NKAP: variants seen among roughly 807,000 people sequenced by gnomAD.
NKAP encodes the protein NFKB activating protein, also known as NF-kappa-B-activating protein.
Under a neutral mutation model 35.6 loss-of-function variants are expected in NKAP, and 4 were observed. The ratio of observed to expected loss-of-function variants is 0.11; its 90% CI spans 0.06 to 0.26. The LOEUF is 0.26. NKAP is among the 10% of genes least tolerant of loss of function. The pLI is 1.00. For missense variants in NKAP, 238 were observed against 321.9 expected (o/e 0.74, Z 1.99); for synonymous variants, 106 against 119.2 (o/e 0.89, Z 0.72).
intron 2 of NKAP, chrX:119,937,693 GTTTTCTTTTTT>G (rs1368451294): frequency 3.7e-5 from 4 of 107,712 alleles, no homozygotes; most frequent in African/African-American, 1.0e-4. Flanking sequence ...TTCTTCAAGT[GTTTTCTTTTTT>G]TTTTCTTTTA....
In NKAP at chrX:119,936,621, T is replaced by C; in HGVS notation, c.529A>G (p.Thr177Ala). 1 of 1,163,207 alleles carries C rather than the reference T, an allele frequency of 8.6e-7. No homozygotes were observed. ...EPKKSTTSAS[T>A]SEEEKKKKSS... ...CTTTTTTTAAAAATACCTTCTGAAGTAGAAGCTGAAGTAGTGCTTTTCTTT... is the reference window on the plus strand; with the variant it reads ...CTTTTTTTAAAAATACCTTCTGAAGCAGAAGCTGAAGTAGTGCTTTTCTTT... The change falls in exon 3 of 9, where the codon ACT becomes GCT. Residue 177 changes from threonine (T) to alanine (A), a missense_variant. Physicochemically the swap from Thr to Ala is moderately conservative, Grantham distance 58 (BLOSUM62 0). Coordinates refer to ENST00000371410, the MANE Select transcript of NKAP (RefSeq NM_024528.4).
rs1404065945 is a variant in NKAP at position 119,929,950 on chromosome X, A to C, written c.1073+66T>G. The C allele has an allele frequency of 4.8e-6, 5 of 1,039,183 alleles. No individual in the cohort carries two copies. The East Asian group carries it at 1.6e-4, about 33-fold the overall frequency. 85.6% of individuals were successfully genotyped at this position (1,039,183 alleles called of 1,213,427 possible). On this transcript the variant is annotated intron_variant, in intron 8 of 8. Coordinates refer to ENST00000371410, the MANE Select transcript of NKAP (RefSeq NM_024528.4). ...AATGAAAATCAATTACCAAAATATA[A>C]TTCTGGTAGTAAAAAAGAAGAAAAA...
intron 7 of NKAP, 34 bp from the exon 8 acceptor site, chrX:119,930,199 T>C (rs752408702): frequency 2.6e-5 from 30 of 1,132,267 alleles, no homozygotes; most frequent in Middle Eastern, 2.5e-4. Flanking sequence ...AAAAGGTCCA[T>C]TAAATCATCT....
chrX:119,920,714 C>T lies in NKAP; in HGVS notation c.*4506G>A. 2 of 569,263 alleles carry T rather than the reference C, an allele frequency of 3.5e-6. No individual in the cohort carries two copies. Among genetic ancestry groups the T allele is most frequent in the Non-Finnish European group, 5.3e-6 (2 of 374,510 alleles). 46.9% of individuals were successfully genotyped at this position (569,263 alleles called of 1,213,427 possible). On this transcript the variant is annotated 3_prime_UTR_variant, in exon 9 of 9. Coordinates refer to ENST00000371410, the MANE Select transcript of NKAP (RefSeq NM_024528.4). Reference sequence around the variant, plus strand: ...TATTGAGTAATAAACTTGTGGCACACAATCCAGCTGTATTTTTTTGCATTC... The same window carrying T: ...TATTGAGTAATAAACTTGTGGCACATAATCCAGCTGTATTTTTTTGCATTC...
chrX:119,935,137 G>A (rs2056760772), intron 4 of NKAP, among the ~76,000 whole-genome samples: 1 of 111,533 alleles, frequency 9.0e-6, no homozygotes, highest in South Asian at 3.7e-4. Flanking sequence ...GAATGATAGA[G>A]GGAAGCTTGG....
In NKAP at chrX:119,939,155, A is replaced by G. The variant is rs770938630; in HGVS notation, c.387-345T>C. Among the ~76,000 whole-genome samples the G allele has an allele frequency of 8.8e-5, 10 of 113,065 alleles. No individual in the cohort carries two copies. The East Asian group carries it at 2.5e-3, about 28-fold the overall frequency. ...TTGTTTACAGATTTATGAAAGGTGA[A>G]GAGAAGTCTCTTTTGATATGGTCAA... On this transcript the variant is annotated intron_variant, in intron 1 of 8. Coordinates refer to ENST00000371410, the MANE Select transcript of NKAP (RefSeq NM_024528.4).
intron 3 of NKAP, 73 bp downstream of exon 3, chrX:119,936,539 T>A: frequency 9.9e-7 from 1 of 1,005,644 alleles, no homozygotes; most frequent in Admixed American, 3.2e-5. Context: ...TGTTCAACTA[T>A]TTACAAACTG....
intron 7 of NKAP, among the ~76,000 whole-genome samples, chrX:119,931,127 G>A (rs194301): frequency 0.14 from 14,942 of 109,329 alleles, 998 homozygotes; most frequent in South Asian, 0.33. Flanking sequence ...GGGCAACAGA[G>A]TGAAACTCAA....
intron 1 of NKAP, among the ~76,000 whole-genome samples, chrX:119,940,801 G>T (rs182838450): frequency 8.9e-6 from 1 of 111,919 alleles, no homozygotes; most frequent in African/African-American, 3.2e-5. Context: ...GATATCGGGG[G>T]AAGAACGCCT....
chrX:119,929,942 A>G (rs763290218), intron 8 of NKAP, 74 bp downstream of exon 8: 1 of 1,029,201 alleles, frequency 9.7e-7, no homozygotes, highest in African/African-American at 1.9e-5. Context: ...ATCAATTACC[A>G]AAATATAATT....
chrX:119,941,011 A>T (rs772784645), intron 1 of NKAP, among the ~76,000 whole-genome samples: 1 of 110,362 alleles, frequency 9.1e-6, no homozygotes, highest in Non-Finnish European at 1.9e-5. Flanking sequence ...GTGGTGGTGC[A>T]TACCTGTAAT....
intron 1 of NKAP, among the ~76,000 whole-genome samples, chrX:119,940,323 A>ATC (rs914248856): frequency 2.0e-5 from 2 of 99,721 alleles, no homozygotes; most frequent in African/African-American, 7.3e-5. Context: ...CCTGGGTGAT[A>ATC]GAGTGAGACT....
chrX:119,937,265 T>C (rs1222257875), intron 2 of NKAP: 2 of 111,945 alleles, frequency 1.8e-5, no homozygotes, highest in African/African-American at 6.5e-5. Flanking sequence ...TTCCACATCA[T>C]ATAATCTTTT....
At position 119,938,637 on chromosome X, in the gene NKAP, T is replaced by C. The variant is rs768653907; in HGVS notation, c.467+93A>G. 9 of 548,057 alleles carry C rather than the reference T, an allele frequency of 1.6e-5. No homozygotes were observed. The South Asian group carries it at 3.8e-4, about 23-fold the overall frequency. 45.2% of individuals were successfully genotyped at this position (548,057 alleles called of 1,213,427 possible). On this transcript the variant is annotated intron_variant, in intron 2 of 8. Coordinates refer to ENST00000371410, the MANE Select transcript of NKAP (RefSeq NM_024528.4). ...TCACAAGAAAGAAAAATGTGAGATA[T>C]ATTTAAAGTTCTTCACTTAAACATT...
At chrX:119,940,796 C>T (rs981270275) in intron 1 of NKAP, among the ~76,000 whole-genome samples, 2 of 111,746 alleles carry the variant, frequency 1.8e-5, no homozygotes, top group East Asian at 2.8e-4. Flanking sequence ...GTATGGATAT[C>T]GGGGGAAGAA....
Position 119,936,815 on chromosome X carries a change from G to A in NKAP, c.468-133C>T, listed in dbSNP as rs764605020. On this transcript the variant is annotated intron_variant, in intron 2 of 8. Coordinates refer to ENST00000371410, the MANE Select transcript of NKAP (RefSeq NM_024528.4). ...AGAACCATTAAAAGCAAGCATTGGA[G>A]ATCCTAAGGCAGAACTTGGGAATCA... is the stretch of plus-strand genomic sequence containing the variant. 3.7e-5 allele frequency: 18 copies of A among 491,544 alleles called. No homozygotes were observed. In the East Asian group the frequency reaches 6.9e-4, roughly 19 times the overall value. 40.5% of individuals were successfully genotyped at this position (491,544 alleles called of 1,213,427 possible). A position where few individuals can be genotyped will look rare whatever the true frequency, so the allele number is the denominator to read the frequency against.
At chrX:119,941,024 C>A (rs1015414859) in intron 1 of NKAP, among the ~76,000 whole-genome samples, 2 of 109,533 alleles carry the variant, frequency 1.8e-5, no homozygotes, top group Admixed American at 9.8e-5. Flanking sequence ...CCTGTAATCC[C>A]AGCTATTCAG....
rs1478521917 is a variant in NKAP at position 119,932,018 on chromosome X, G to A, written c.848-7C>T. 8.3e-7 allele frequency: 1 copy of A among 1,203,078 alleles called. No individual in the cohort carries two copies. The highest frequency in any genetic ancestry group is 1.1e-6 in the Non-Finnish European group (1 of 888,201). On this transcript the variant is annotated splice_polypyrimidine_tract_variant and splice_region_variant and intron_variant, in intron 6 of 8. Transcript: ENST00000371410. ...TCTGATGGTTCTTCAGCCTCTGCATGAAAGATATTAAGAAACACATTCACA... is the reference window on the plus strand; with the variant it reads ...TCTGATGGTTCTTCAGCCTCTGCATAAAAGATATTAAGAAACACATTCACA...
In NKAP at chrX:119,925,159, G is replaced by C; in HGVS notation, c.*61C>G. 1 of 1,101,914 alleles carries C rather than the reference G, an allele frequency of 9.1e-7. No homozygotes were observed. Among genetic ancestry groups the C allele is most frequent in the Non-Finnish European group, 1.2e-6 (1 of 808,752 alleles). 90.8% of individuals were successfully genotyped at this position (1,101,914 alleles called of 1,213,427 possible). A position where few individuals can be genotyped will look rare whatever the true frequency, so the allele number is the denominator to read the frequency against. ...AACATAATAATCTTTTTCTATGTAT[G>C]TGTGGAACCCAGACTTTCTTTTTTG... On this transcript the variant is annotated 3_prime_UTR_variant, in exon 9 of 9. Coordinates refer to ENST00000371410, the MANE Select transcript of NKAP (RefSeq NM_024528.4).
Sources: allele counts gnomAD v4.1 joint callset (sites outside exome capture counted in the v4.1 genomes callset), GRCh38; gene constraint gnomAD v4.1.1; transcripts MANE v1.5; gene names NCBI Gene and HGNC (gene_info 2026-07-23, HGNC 2026-07-21).